The following COL4A4 variants were observed in gnomAD, a reference collection of about 807,000 sequenced individuals.
COL4A4 encodes the protein collagen type IV alpha 4 chain, also known as collagen alpha-4(IV) chain.
A neutral mutation model predicts 192.9 loss-of-function variants in COL4A4; 105 were observed. The ratio of observed to expected loss-of-function variants is 0.54; its 90% CI spans 0.46 to 0.64. The LOEUF is 0.64. COL4A4 is among the 30% of genes least tolerant of loss of function. The probability of loss-of-function intolerance (pLI) is 0.00; values close to 1 mark genes in which losing one functional copy is unlikely to be tolerated. For synonymous variants in COL4A4, 762 were observed against 769.9 expected (o/e 0.99, Z 0.17); for missense variants, 1,967 against 2,169.3 (o/e 0.91, Z 1.85).
intron 34 of COL4A4, among the ~76,000 whole-genome samples, chr2:227,048,399 T>C (rs1200010383): frequency 6.6e-6 from 1 of 152,080 alleles, no homozygotes; most frequent in Non-Finnish European, 1.5e-5. Flanking sequence ...AATAAGAAAG[T>C]GAGAATTTGA....
intron 23 of COL4A4, among the ~76,000 whole-genome samples, chr2:227,081,168 G>A (rs189269730): frequency 3.9e-5 from 6 of 152,278 alleles, no homozygotes; most frequent in East Asian, 1.9e-4. Flanking sequence ...GCTGGTAAAG[G>A]GTTGTTGTTG....
At chr2:227,016,719 C>T (rs185782033) in intron 44 of COL4A4, among the ~76,000 whole-genome samples, 4 of 152,182 alleles carry the variant, frequency 2.6e-5, no homozygotes, top group African/African-American at 7.2e-5. Context: ...CCAGTCTCTC[C>T]CCTCCATGCC....
rs1423413485 is a variant in COL4A4, at chr2:227,109,225, A to C, written c.656T>G (p.Val219Gly). 1 of 1,613,540 alleles carries C rather than the reference A, an allele frequency of 6.2e-7. No homozygotes were observed. Among genetic ancestry groups the C allele is most frequent in the Admixed American group, 1.7e-5 (1 of 60,014 alleles). The change falls in exon 10 of 48, where the codon GTG becomes GGG. Residue 219 changes from valine (V) to glycine (G), a missense_variant and splice_region_variant. Transcript: ENST00000396625. ...PTGYPGEPGL[V>G]GPPGQPGRPG... ...TCACATCAGCAGTGCTGTACTTACCACTAACCCTGGCTCTCCAGGATATCC... is the reference window on the plus strand; with the variant it reads ...TCACATCAGCAGTGCTGTACTTACCCCTAACCCTGGCTCTCCAGGATATCC...
intron 37 of COL4A4, among the ~76,000 whole-genome samples, chr2:227,041,852 A>AAGAAAGAGAGAGAGAGAG (rs1553633321): frequency 1.3e-4 from 9 of 71,362 alleles, no homozygotes; most frequent in Non-Finnish European, 2.0e-4. Flanking sequence ...AAGAAAGAGA[A>AAGAAAGAGAGAGAGAGAG]AGAAAGAAAG....
chr2:227,046,005 A>G (rs1337217513), intron 35 of COL4A4, among the ~76,000 whole-genome samples: 2 of 131,700 alleles, frequency 1.5e-5, no homozygotes, highest in Non-Finnish European at 3.1e-5. Flanking sequence ...ATTTAGATAT[A>G]TTTAGATAGT....
chr2:227,085,395 AC>A (rs2059547640), intron 22 of COL4A4, among the ~76,000 whole-genome samples: 1 of 152,056 alleles, frequency 6.6e-6, no homozygotes, highest in African/African-American at 2.4e-5. Context: ...AAAAACAAAC[AC>A]CATGAGGACA....
At chr2:227,091,927 A>G (rs368727082) in intron 20 of COL4A4, among the ~76,000 whole-genome samples, 1 of 33,024 alleles carries the variant, frequency 3.0e-5, no homozygotes, top group Non-Finnish European at 6.3e-5. Context: ...AGAAAGAAAG[A>G]AAAGAAAAGA....
chr2:227,045,866 A>AG (rs1559488422), intron 35 of COL4A4, among the ~76,000 whole-genome samples: 1 of 86,532 alleles, frequency 1.2e-5, no homozygotes, highest in Non-Finnish European at 2.2e-5. Context: ...ATATATACAC[A>AG]TATATATACA....
chr2:226,987,341 A>T, the COL4A4 span, among the ~76,000 whole-genome samples: 2 of 146,896 alleles, frequency 1.4e-5, no homozygotes, highest in African/African-American at 2.5e-5. Context: ...TTAAAGTATA[A>T]AAAAAAAAAA....
At chr2:227,037,116 G>C (rs543329299) in intron 37 of COL4A4, among the ~76,000 whole-genome samples, 20 of 152,200 alleles carry the variant, frequency 1.3e-4, no homozygotes, top group Non-Finnish European at 2.8e-4. Flanking sequence ...TTTAAGTTCT[G>C]GGATACATGT....
chr2:227,052,214 A>G, intron 32 of COL4A4, 91 bp downstream of exon 32: 1 of 810,338 alleles, frequency 1.2e-6, no homozygotes, highest in Non-Finnish European at 2.1e-6. Context: ...GTCTTTTCTA[A>G]TCTCAGTGTT....
rs769910854 is a variant in COL4A4, at chr2:227,098,741, G to A, written c.1157C>T (p.Pro386Leu). ...GRYGETGDVG[P>L]PGPPGLLGRP... ...GCCCAAGAGACCTGGGGGACCAGGT[G>A]GTCCAACATCCCCTGTTTCTCCATA... is the stretch of plus-strand genomic sequence containing the variant. The change falls in exon 19 of 48, where the codon CCA becomes CTA. Residue 386 changes from proline to leucine, a missense_variant. Transcript: ENST00000396625. The A allele has an allele frequency of 6.2e-7, 1 of 1,614,098 alleles. No homozygotes were observed. Among genetic ancestry groups the A allele is most frequent in the Non-Finnish European group, 8.5e-7 (1 of 1,180,002 alleles).
rs569698922 is a variant in COL4A4, at chr2:227,005,289, A to G, written c.*2036T>C. Reference sequence around the variant, plus strand: ...GTGTTTAAAATAATTAGCAAGCAAGATACGTTTCTGATGTTCCATTTGTCA... The same window carrying G: ...GTGTTTAAAATAATTAGCAAGCAAGGTACGTTTCTGATGTTCCATTTGTCA... On this transcript the variant is annotated 3_prime_UTR_variant, in exon 48 of 48. Transcript: ENST00000396625. 1.3e-5 allele frequency: 2 copies of G among 152,280 alleles called. No individual in the cohort carries two copies. Among genetic ancestry groups the G allele is most frequent in the South Asian group, 2.1e-4 (1 of 4,828 alleles). The allele number at this position is 152,280 out of a possible 1,614,324, so 9.4% of individuals were successfully genotyped here. A position where few individuals can be genotyped will look rare whatever the true frequency, so the allele number is the denominator to read the frequency against.
chr2:227,011,683 A>ATT (rs1395347750), intron 45 of COL4A4, among the ~76,000 whole-genome samples: 1 of 151,608 alleles, frequency 6.6e-6, no homozygotes, highest in East Asian at 1.9e-4. Context: ...ACCACTTCCC[A>ATT]TTTTTTTTCT....
chr2:227,013,491 G>T (rs1964244009), intron 44 of COL4A4, among the ~76,000 whole-genome samples: 1 of 152,118 alleles, frequency 6.6e-6, no homozygotes, highest in African/African-American at 2.4e-5. Flanking sequence ...GAGAAAATTT[G>T]GACACAGAAA....
chr2:227,077,743 C>A, intron 25 of COL4A4, 151 bp downstream of exon 25: 3 of 682,570 alleles, frequency 4.4e-6, no homozygotes, highest in Admixed American at 2.9e-5. Context: ...TCTAGGGATA[C>A]AAAAATCTAC....
rs781202513 is a variant in COL4A4 at position 227,101,542 on chromosome 2, C to A, written c.991G>T (p.Val331Phe). 1.2e-6 allele frequency: 2 copies of A among 1,612,312 alleles called. No homozygotes were observed. The highest frequency in any genetic ancestry group is 2.7e-5 in the African/African-American group (2 of 74,758). ...FPGLKGELGLVGDPGLFGLIG... is the reference protein window; with the variant it reads ...FPGLKGELGLFGDPGLFGLIG... The stretch of plus-strand genomic sequence containing the variant: ...AATCCAAATAGCCCAGGATCTCCAA[C>A]CAGTCCTAGTTCTCCCTACAAACAA... The change falls in exon 17 of 48, where the codon GTT (valine) becomes TTT (phenylalanine). Residue 331 changes from valine to phenylalanine, a missense_variant. By Grantham distance (50) the Val-to-Phe change is conservative. Transcript: ENST00000396625.
chr2:227,083,067 A>G (rs148222753), intron 22 of COL4A4, among the ~76,000 whole-genome samples: 32 of 152,202 alleles, frequency 2.1e-4, no homozygotes, highest in African/African-American at 4.1e-4. Context: ...CGTCCCTACT[A>G]AAAATACAAA....
At chr2:227,018,303 C>CA (rs1965332368) in intron 44 of COL4A4, among the ~76,000 whole-genome samples, 1 of 152,192 alleles carries the variant, frequency 6.6e-6, no homozygotes, top group Admixed American at 6.5e-5. Flanking sequence ...TGGCCCCTCA[C>CA]ACCCTGCTGA....
Sources: gnomAD v4.1 joint callset for allele counts (sites outside exome capture counted in the v4.1 genomes callset) on GRCh38, gnomAD v4.1.1 for gene constraint, MANE v1.5 for transcripts, NCBI Gene and HGNC (gene_info 2026-07-23, HGNC 2026-07-21) for gene names.